The following QKI variants were observed in gnomAD, a reference collection of about 807,000 sequenced individuals.
The protein encoded by QKI is QKI, KH domain containing RNA binding.
In QKI, 10 loss-of-function variants were observed where a neutral mutation model predicts 39.0. The observed-to-expected ratio is 0.26, with a 90% CI of 0.16 to 0.43. The LOEUF (loss-of-function observed/expected upper bound fraction) is 0.43, where lower values mean the gene tolerates loss of function less well. Ranked by LOEUF, QKI falls within the 20% of genes least tolerant of loss-of-function variation. QKI has a pLI of 1.00. For missense variants in QKI, 218 were observed against 428.0 expected, an observed-to-expected ratio of 0.51 and a Z score of 4.33; for synonymous variants, 204 against 155.4, an observed-to-expected ratio of 1.31 and a Z score of -2.33.
intron 7 of QKI, chr6:163,570,308 A>G (rs1783625211): frequency 1.0e-6 from 1 of 980,642 alleles, no homozygotes; most frequent in African/African-American, 1.7e-5. Context: ...TAGCAGTCAG[A>G]TACTGATAAC....
At chr6:163,491,499 T>G (rs1473054290) in intron 3 of QKI, among the ~76,000 whole-genome samples, 4 of 152,132 alleles carry the variant, frequency 2.6e-5, no homozygotes, top group African/African-American at 9.7e-5. Context: ...TTTTGCTCTG[T>G]GTTTATAAAA....
intron 7 of QKI, chr6:163,569,744 G>T (rs1341741514): frequency 1.0e-6 from 1 of 989,798 alleles, no homozygotes; most frequent in East Asian, 1.1e-4. Flanking sequence ...AAGCAGGAAT[G>T]TATATGAAAT....
chr6:163,562,125 G>A, intron 5 of QKI, 56 bp downstream of exon 5: 1 of 1,367,596 alleles, frequency 7.3e-7, no homozygotes, highest in Non-Finnish European at 1.0e-6. Flanking sequence ...TTTGTCTACA[G>A]ACTTTTTTCC....
intron 2 of QKI, among the ~76,000 whole-genome samples, chr6:163,469,278 TCA>T (rs1423149737): frequency 6.6e-6 from 1 of 152,162 alleles, no homozygotes; most frequent in Non-Finnish European, 1.5e-5. Context: ...CTATATGTGG[TCA>T]CAGAGTGTAG....
In QKI at chr6:163,441,300, G is replaced by A. The variant is rs369778487; in HGVS notation, c.143-13979G>A. On this transcript the variant is annotated intron_variant, in intron 1 of 7. Transcript: ENST00000361752. ...AAGAGACCAAGCCATTTGCAGAAGA[G>A]CACTGTGCATTTATATTACTTTAAA... Among the ~76,000 whole-genome samples the A allele has an allele frequency of 4.6e-5, 7 of 152,274 alleles. 1 individual carries two copies. The highest frequency in any genetic ancestry group is 1.7e-4 in the African/African-American group (7 of 41,576).
Position 163,478,878 on chromosome 6 carries a change from A to G in QKI, c.384A>G (p.Ser128=). Reference sequence around the variant, plus strand: ...AAATCATGGTCCGAGGCAAAGGCTCAATGAGGGATAAAAAAAAGGTAAGTC... The same window carrying G: ...AAATCATGGTCCGAGGCAAAGGCTCGATGAGGGATAAAAAAAAGGTAAGTC... ...GCKIMVRGKG[S]MRDKKKEEQN... Residue 128 remains serine (S), a synonymous_variant, in exon 3 of 8, where the codon TCA becomes TCG. Coordinates refer to ENST00000361752, the MANE Select transcript of QKI (RefSeq NM_006775.3). The G allele has an allele frequency of 6.2e-7, 1 of 1,612,668 alleles. No homozygotes were observed. Among genetic ancestry groups the G allele is most frequent in the Non-Finnish European group, 8.5e-7 (1 of 1,179,088 alleles).
At chr6:163,452,866 T>C (rs1014802171) in intron 1 of QKI, among the ~76,000 whole-genome samples, 3 of 152,140 alleles carry the variant, frequency 2.0e-5, no homozygotes, top group African/African-American at 7.2e-5. Flanking sequence ...TAGCTGGGAT[T>C]ACAGGCGTCT....
intron 3 of QKI, among the ~76,000 whole-genome samples, chr6:163,525,515 C>CGG (rs1257612843): frequency 6.6e-6 from 1 of 151,990 alleles, no homozygotes; most frequent in East Asian, 1.9e-4. Context: ...CCTGCCACCA[C>CGG]ACCTGGCTAA....
chr6:163,458,226 A>C (rs1262751082), intron 2 of QKI, among the ~76,000 whole-genome samples: 2 of 152,052 alleles, frequency 1.3e-5, no homozygotes, highest in Non-Finnish European at 2.9e-5. Flanking sequence ...GGAAGTGATG[A>C]TGTTTTGTGA....
chr6:163,517,189 G>C (rs1779883361), intron 3 of QKI, among the ~76,000 whole-genome samples: 2 of 152,020 alleles, frequency 1.3e-5, no homozygotes, highest in Admixed American at 1.3e-4. Flanking sequence ...CCACAAAGCA[G>C]ATGGGTAAGG....
intron 2 of QKI, among the ~76,000 whole-genome samples, chr6:163,456,538 T>C (rs565681367): frequency 6.6e-6 from 1 of 152,320 alleles, no homozygotes; most frequent in South Asian, 2.1e-4. Context: ...TCTTTAGTTA[T>C]ATGGACAGAA....
chr6:163,451,074 C>T (rs1246978295), intron 1 of QKI, among the ~76,000 whole-genome samples: 1 of 152,150 alleles, frequency 6.6e-6, no homozygotes, highest in Admixed American at 6.5e-5. Context: ...AGATTAATAT[C>T]AGTCTGCTGA....
chr6:163,487,956 A>G (rs1395870271), intron 3 of QKI, among the ~76,000 whole-genome samples: 1 of 152,080 alleles, frequency 6.6e-6, no homozygotes, highest in Non-Finnish European at 1.5e-5. Context: ...TTTTTATCAG[A>G]AAGGCGGAAT....
chr6:163,511,863 A>T (rs1779503914), intron 3 of QKI, among the ~76,000 whole-genome samples: 1 of 152,090 alleles, frequency 6.6e-6, no homozygotes, highest in Non-Finnish European at 1.5e-5. Flanking sequence ...GGTAACTACC[A>T]TTGTTACTGT....
chr6:163,473,690 A>G (rs1792372113), intron 2 of QKI, among the ~76,000 whole-genome samples: 1 of 152,216 alleles, frequency 6.6e-6, no homozygotes, highest in African/African-American at 2.4e-5. Flanking sequence ...TGAATCCATA[A>G]TTTAAAACTT....
At chr6:163,536,216 G>T (rs1030750222) in intron 4 of QKI, among the ~76,000 whole-genome samples, 1 of 151,744 alleles carries the variant, frequency 6.6e-6, no homozygotes, top group Non-Finnish European at 1.5e-5. Context: ...CTATATTTGT[G>T]TACTATTAAA....
intron 3 of QKI, among the ~76,000 whole-genome samples, chr6:163,527,323 A>T (rs1284362274): frequency 1.3e-5 from 2 of 152,184 alleles, no homozygotes; most frequent in African/African-American, 4.8e-5. Context: ...TTATATGCAC[A>T]ACTGGAGATG....
chr6:163,564,599 C>T (rs373151155), intron 6 of QKI: 56 of 1,609,272 alleles, frequency 3.5e-5, no homozygotes, highest in African/African-American at 1.3e-4. Context: ...ATAATATAAA[C>T]GCTTGGTTTT....
At chr6:163,445,661 C>G (rs571479727) in intron 1 of QKI, among the ~76,000 whole-genome samples, 4 of 148,172 alleles carry the variant, frequency 2.7e-5, no homozygotes, top group Non-Finnish European at 4.4e-5. Flanking sequence ...GTTGCCCAGG[C>G]TGGAGTGCAG....
Sources: gnomAD v4.1 joint callset for allele counts (sites outside exome capture counted in the v4.1 genomes callset) on GRCh38, gnomAD v4.1.1 for gene constraint, MANE v1.5 for transcripts, NCBI Gene and HGNC (gene_info 2026-07-23, HGNC 2026-07-21) for gene names.